The following ABCA1 variants were observed in gnomAD, a reference collection of about 807,000 sequenced individuals.
ABCA1 encodes phospholipid-transporting ATPase ABCA1.
Under a neutral mutation model 262.5 loss-of-function variants are expected in ABCA1, and 133 were observed. That is an observed-to-expected ratio of 0.51 (90% confidence interval 0.44 to 0.59). The LOEUF (loss-of-function observed/expected upper bound fraction) is 0.59, where lower values mean the gene tolerates loss of function less well. Among genes scored for constraint, ABCA1 ranks in the 20% least tolerant of loss-of-function variants. The pLI is 0.00. For missense variants in ABCA1, 2,452 were observed against 2,777.5 expected (o/e 0.88, Z 2.63); for synonymous variants, 1,022 against 1,043.5 (o/e 0.98, Z 0.40).
intron 1 of ABCA1, among the ~76,000 whole-genome samples, chr9:104,920,073 G>T (rs79406486): frequency 0.01 from 1,588 of 152,226 alleles, 15 homozygotes; most frequent in Middle Eastern, 0.017. Flanking sequence ...GAGCTTGAAG[G>T]GCTCTTTAAA....
chr9:104,845,536 T>C lies in ABCA1; in HGVS notation c.754A>G (p.Lys252Glu). The change falls in exon 8 of 50, where the codon AAG becomes GAG. Residue 252 changes from lysine to glutamate, a missense_variant. By Grantham distance (56) the Lys-to-Glu change is moderately conservative. Around this residue, in one of 4 missense-constraint regions of ABCA1, gnomAD observed 1,032 missense variants for 1,089.7 expected, o/e 0.95. Coordinates refer to ENST00000374736, the MANE Select transcript of ABCA1 (RefSeq NM_005502.4). The stretch of plus-strand genomic sequence containing the variant: ...GTTTTTGTGGCTTCAGCCAGCTCCT[T>C]GCTCGGGAAGGGAGATGTAGAGTTT... ...TLNSTSPFPS[K>E]ELAEATKTLL... The C allele has an allele frequency of 5.0e-6, 8 of 1,614,024 alleles. No homozygotes were observed. The highest frequency in any genetic ancestry group is 6.8e-6 in the Non-Finnish European group (8 of 1,179,910).
At chr9:104,822,438 A>C (rs946472425) in intron 19 of ABCA1, 58 bp downstream of exon 19, 1 of 1,604,584 alleles carries the variant, frequency 6.2e-7, no homozygotes, top group Non-Finnish European at 8.5e-7. Context: ...ATAAATTTCT[A>C]ACTCTACTGC....
chr9:104,878,682 G>A (rs1564231250), intron 5 of ABCA1, among the ~76,000 whole-genome samples: 1 of 152,142 alleles, frequency 6.6e-6, no homozygotes, highest in Non-Finnish European at 1.5e-5. Flanking sequence ...GCATATAGGA[G>A]ACGCTCAATA....
In ABCA1 at chr9:104,804,630, T is replaced by C; in HGVS notation, c.4555A>G (p.Lys1519Glu). 1 of 1,614,108 alleles carries C rather than the reference T, an allele frequency of 6.2e-7. No homozygotes were observed. Among genetic ancestry groups the C allele is most frequent in the South Asian group, 1.1e-5 (1 of 91,088 alleles). ...LVKTYVQIIA[K>E]SLKNKIWVNE... ...CCAAGTTTAGTAAAAAGTCACCTTTTGGCTATGATCTGCACATACGTCTTC... is the reference window on the plus strand; with the variant it reads ...CCAAGTTTAGTAAAAAGTCACCTTTCGGCTATGATCTGCACATACGTCTTC... The change falls in exon 32 of 50, where the codon AAA (lysine) becomes GAA (glutamate). Residue 1519 changes from lysine to glutamate, a missense_variant. This residue lies in a region of ABCA1 where 752 missense variants were observed against 944.5 expected (regional missense o/e 0.80). Transcript: ENST00000374736.
chr9:104,818,918 G>T, intron 22 of ABCA1, 35 bp from the exon 23 acceptor site: 1 of 1,564,246 alleles, frequency 6.4e-7, no homozygotes, highest in Non-Finnish European at 8.7e-7. Context: ...TGGGACAGGT[G>T]AGGCCTCTCA....
At chr9:104,831,907 G>A (rs1833369853) in intron 12 of ABCA1, 80 bp from the exon 13 acceptor site, 1 of 1,294,436 alleles carries the variant, frequency 7.7e-7, no homozygotes, top group Non-Finnish European at 1.1e-6. Flanking sequence ...ACACTAGGAG[G>A]CAAGGGCTGA....
At chr9:104,908,098 T>C (rs1841278106) in intron 1 of ABCA1, among the ~76,000 whole-genome samples, 1 of 152,188 alleles carries the variant, frequency 6.6e-6, no homozygotes, top group African/African-American at 2.4e-5. Context: ...AAATGCAAAT[T>C]AAAACCACAA....
chr9:104,862,003 C>T (rs1836442480), intron 5 of ABCA1, among the ~76,000 whole-genome samples: 1 of 151,796 alleles, frequency 6.6e-6, no homozygotes, highest in African/African-American at 2.4e-5. Context: ...CATGTTGAGC[C>T]ACACTCAGCA....
chr9:104,832,748 A>G lies in ABCA1; in HGVS notation c.1335T>C (p.Asn445=), dbSNP rs1786490820. The G allele has an allele frequency of 6.2e-7, 1 of 1,614,218 alleles. No homozygotes were observed. The highest frequency in any genetic ancestry group is 1.3e-5 in the African/African-American group (1 of 75,042). Reference sequence around the variant, plus strand: ...CCAACTGCTGTTCCCAAAAGTGGTCATTGTCCCTGCTGTCCAACAGCATCT... The same window carrying G: ...CCAACTGCTGTTCCCAAAAGTGGTCGTTGTCCCTGCTGTCCAACAGCATCT... ...LVRMLLDSRD[N]DHFWEQQLDG... is the part of the protein sequence containing the mutation. Residue 445 remains asparagine (N), a synonymous_variant, in exon 12 of 50, where the codon AAT becomes AAC. Coordinates refer to ENST00000374736, the MANE Select transcript of ABCA1 (RefSeq NM_005502.4).
Position 104,818,779 on chromosome 9 carries a change from G to C in ABCA1, c.3346C>G (p.Leu1116Val). 6.2e-7 allele frequency: 1 copy of C among 1,614,060 alleles called. No homozygotes were observed. Among genetic ancestry groups the C allele is most frequent in the East Asian group, 2.2e-5 (1 of 44,884 alleles). Residue 1116 changes from leucine (L) to valine (V), a missense_variant, in exon 23 of 50, where the codon CTG becomes GTG. Transcript: ENST00000374736. Reference sequence around the variant, plus strand: ...GTTCCCAGCTGGTTCTTCAGAAACAGGGAGGAGCCCACACAGCACAGCTTC... The same window carrying C: ...GTTCCCAGCTGGTTCTTCAGAAACACGGAGGAGCCCACACAGCACAGCTTC... ...HGKLCCVGSS[L>V]FLKNQLGTGY...
At chr9:104,815,558 T>C (rs1285478738) in intron 25 of ABCA1, among the ~76,000 whole-genome samples, 2 of 152,188 alleles carry the variant, frequency 1.3e-5, no homozygotes, top group African/African-American at 4.8e-5. Context: ...GTGTTCATTT[T>C]TTCATCTTTT....
chr9:104,903,470 C>A, intron 2 of ABCA1, 144 bp downstream of exon 2: 1 of 871,390 alleles, frequency 1.1e-6, no homozygotes, highest in South Asian at 1.4e-5. Flanking sequence ...ACCACACAGT[C>A]CTGTGTCCAT....
chr9:104,864,571 A>G (rs977318620), intron 5 of ABCA1, among the ~76,000 whole-genome samples: 15 of 152,124 alleles, frequency 9.9e-5, no homozygotes, highest in African/African-American at 3.4e-4. Flanking sequence ...TGCCTTATCT[A>G]TAAAATGAAG....
intron 5 of ABCA1, among the ~76,000 whole-genome samples, chr9:104,881,923 C>A (rs1273700555): frequency 6.6e-6 from 1 of 151,512 alleles, no homozygotes; most frequent in Non-Finnish European, 1.5e-5. Context: ...TGAAGCAGCA[C>A]CTCCTCCATG....
chr9:104,879,693 T>C (rs780730229), intron 5 of ABCA1, among the ~76,000 whole-genome samples: 19 of 152,312 alleles, frequency 1.2e-4, no homozygotes, highest in Non-Finnish European at 2.2e-4. Context: ...TGAGTGCACA[T>C]GGAATATGAG....
At chr9:104,849,895 AT>A (rs987415490) in intron 7 of ABCA1, among the ~76,000 whole-genome samples, 7 of 152,240 alleles carry the variant, frequency 4.6e-5, no homozygotes, top group African/African-American at 1.7e-4. Context: ...ATGCACACTT[AT>A]ACAATGTGAA....
intron 13 of ABCA1, among the ~76,000 whole-genome samples, 183 bp downstream of exon 13, chr9:104,831,439 T>G (rs1261832806): frequency 6.6e-6 from 1 of 152,158 alleles, no homozygotes; most frequent in African/African-American, 2.4e-5. Context: ...TTTTATGACC[T>G]ATGAAAAACC....
chr9:104,896,734 T>A (rs1420995181), intron 2 of ABCA1, among the ~76,000 whole-genome samples: 1 of 127,384 alleles, frequency 7.9e-6, no homozygotes, highest in African/African-American at 3.0e-5. Context: ...TTTTTTTTTT[T>A]TTTTTTTTTT....
At chr9:104,886,688 A>G (rs1459821250) in intron 3 of ABCA1, among the ~76,000 whole-genome samples, 3 of 152,208 alleles carry the variant, frequency 2.0e-5, no homozygotes, top group Non-Finnish European at 4.4e-5. Context: ...CAGGGGTGGC[A>G]AAGGCCCTTC....
Sources: gnomAD v4.1 joint callset for allele counts (sites outside exome capture counted in the v4.1 genomes callset) on GRCh38, gnomAD v4.1.1 for gene constraint, gnomAD v4.1.1 regional missense constraint, MANE v1.5 for transcripts, NCBI Gene and HGNC (gene_info 2026-07-23, HGNC 2026-07-21) for gene names.